The following ZFHX4 variants were observed in gnomAD, a reference collection of about 807,000 sequenced individuals.
ZFHX4 encodes zinc finger homeobox 4.
A neutral mutation model predicts 267.6 loss-of-function variants in ZFHX4; 56 were observed. The observed-to-expected ratio is 0.21, with a 90% CI of 0.17 to 0.26. The LOEUF (loss-of-function observed/expected upper bound fraction) is 0.26. Ranked by LOEUF, ZFHX4 falls within the 10% of genes least tolerant of loss-of-function variation. The pLI, the probability that ZFHX4 is intolerant of heterozygous loss-of-function variation, is 1.00. For synonymous variants in ZFHX4, 1,778 were observed against 1,665.6 expected (o/e 1.07, Z -1.64); for missense variants, 4,332 against 4,420.0 (o/e 0.98, Z 0.56).
At chr8:76,820,755 A>G (rs762783771) in intron 4 of ZFHX4, among the ~76,000 whole-genome samples, 1 of 152,190 alleles carries the variant, frequency 6.6e-6, no homozygotes. Context: ...CTTTGTTGAT[A>G]AGTTTTATTG....
chr8:76,844,890 A>G (rs1812327613), intron 6 of ZFHX4, among the ~76,000 whole-genome samples: 1 of 152,138 alleles, frequency 6.6e-6, no homozygotes, highest in Non-Finnish European at 1.5e-5. Flanking sequence ...TTCTGAATTG[A>G]ATGTTTTTAG....
chr8:76,742,191 G>C (rs1809336101), intron 3 of ZFHX4, among the ~76,000 whole-genome samples: 1 of 152,176 alleles, frequency 6.6e-6, no homozygotes, highest in Non-Finnish European at 1.5e-5. Flanking sequence ...AGATATGCTT[G>C]TTGGGTGAAA....
rs1411713567 is a variant in ZFHX4 at position 76,863,209 on chromosome 8, A to T, written c.9495A>T (p.Pro3165=). Residue 3165 remains proline, a synonymous_variant, in exon 11 of 11, where the codon CCA becomes CCT. Transcript: ENST00000651372. The part of the protein sequence containing the change: ...TKPLLQTPPP[P]PPPPPPPPSS... ...CTTTGCTGCAGACTCCACCACCTCC[A>T]CCACCTCCTCCTCCTCCTCCTCCTT... The T allele has an allele frequency of 1.9e-6, 3 of 1,573,086 alleles. No individual in the cohort carries two copies. In the Admixed American group the frequency reaches 5.7e-5, roughly 30 times the overall value.
At chr8:76,773,935 G>A (rs1227838201) in intron 3 of ZFHX4, among the ~76,000 whole-genome samples, 2 of 152,106 alleles carry the variant, frequency 1.3e-5, no homozygotes, top group Non-Finnish European at 2.9e-5. Context: ...CCTGTGAGAA[G>A]ACACGACAGA....
chr8:76,821,284 C>G (rs912797873), intron 4 of ZFHX4, among the ~76,000 whole-genome samples: 1 of 152,144 alleles, frequency 6.6e-6, no homozygotes, highest in African/African-American at 2.4e-5. Context: ...CCCTATTTCT[C>G]TGGTCATTTT....
chr8:76,713,556 G>T (rs772018032), intron 3 of ZFHX4, among the ~76,000 whole-genome samples: 4 of 152,030 alleles, frequency 2.6e-5, no homozygotes, highest in Non-Finnish European at 4.4e-5. Context: ...ATACTCTTAT[G>T]CTCTTTTCTG....
intron 4 of ZFHX4, among the ~76,000 whole-genome samples, chr8:76,831,751 CT>C (rs1001808496): frequency 2.0e-5 from 3 of 152,208 alleles, no homozygotes; most frequent in Middle Eastern, 3.4e-3. Flanking sequence ...GTTTCACGTG[CT>C]TTTGGTTCTG....
chr8:76,845,450 C>T (rs1313155301), intron 6 of ZFHX4, among the ~76,000 whole-genome samples: 2 of 151,856 alleles, frequency 1.3e-5, no homozygotes, highest in Non-Finnish European at 2.9e-5. Context: ...GGAAATTAAC[C>T]TTCATTATTG....
intron 3 of ZFHX4, among the ~76,000 whole-genome samples, chr8:76,765,626 CTATAT>C (rs1162049643): frequency 6.6e-6 from 1 of 151,948 alleles, no homozygotes; most frequent in African/African-American, 2.4e-5. Flanking sequence ...GTCACTGTTC[CTATAT>C]TATGACTCCA....
intron 3 of ZFHX4, among the ~76,000 whole-genome samples, chr8:76,737,155 C>G (rs1809185138): frequency 6.6e-6 from 1 of 152,126 alleles, no homozygotes; most frequent in African/African-American, 2.4e-5. Context: ...GTTTTACGCT[C>G]TAGGTAATAA....
At position 76,841,224 on chromosome 8, in the gene ZFHX4, T is replaced by C. The variant is rs191925967; in HGVS notation, c.3395-1431T>C. The stretch of plus-strand genomic sequence containing the variant: ...CCCTTTAGCTTTTTAGAGTTTCCTA[T>C]TGAGCCCAGAACTGTCCCCTTCTGT... On this transcript the variant is annotated intron_variant, in intron 5 of 10. Transcript: ENST00000651372. 1.2e-4 allele frequency among the ~76,000 whole-genome samples: 19 copies of C among 152,332 alleles called. No individual in the cohort carries two copies. The East Asian group carries it at 2.1e-3, about 17-fold the overall frequency.
intron 3 of ZFHX4, among the ~76,000 whole-genome samples, chr8:76,767,037 A>G (rs1343405640): frequency 1.4e-5 from 2 of 140,392 alleles, no homozygotes; most frequent in East Asian, 2.2e-4. Context: ...TGTCTGTCTC[A>G]TAAAGGGGTG....
At chr8:76,819,074 T>C (rs2131859954) in intron 4 of ZFHX4, among the ~76,000 whole-genome samples, 1 of 152,078 alleles carries the variant, frequency 6.6e-6, no homozygotes, top group East Asian at 1.9e-4. Context: ...GGCAGTACAT[T>C]TTCCCCTTTC....
intron 4 of ZFHX4, among the ~76,000 whole-genome samples, chr8:76,814,475 G>T (rs1266567870): frequency 6.6e-6 from 1 of 152,084 alleles, no homozygotes; most frequent in Non-Finnish European, 1.5e-5. Flanking sequence ...ATGGCTTCTT[G>T]TAATTGTCTA....
At chr8:76,707,007 GT>G (rs1159322722) in intron 2 of ZFHX4, among the ~76,000 whole-genome samples, 10 of 152,142 alleles carry the variant, frequency 6.6e-5, no homozygotes, top group Non-Finnish European at 1.5e-4. Context: ...TTCAATTTTG[GT>G]GATTATTCGC....
At chr8:76,743,997 A>C (rs1046186467) in intron 3 of ZFHX4, among the ~76,000 whole-genome samples, 1 of 152,204 alleles carries the variant, frequency 6.6e-6, no homozygotes, top group East Asian at 1.9e-4. Flanking sequence ...AGGAGCATAA[A>C]TGTGAGTACC....
chr8:76,853,083 TCCC>T lies in ZFHX4; in HGVS notation c.6168_6170del (p.Pro2061del). 9.7e-6 allele frequency: 3 copies of T among 309,566 alleles called. No homozygotes were observed. The highest frequency in any genetic ancestry group is 1.1e-5 in the Non-Finnish European group (2 of 178,942). The allele number at this position is 309,566 out of a possible 1,614,324, so 19.2% of individuals were successfully genotyped here. ...CACCACCTCCTCCTCCTCCTCCTCC[TCCC>T]CCCCCACCTCCTCCACCTTCTGCTC... On this transcript the variant is annotated inframe_deletion, in exon 10 of 11. Coordinates refer to ENST00000651372, the MANE Select transcript of ZFHX4 (RefSeq NM_024721.5).
At chr8:76,800,980 G>A (rs1811103506) in intron 4 of ZFHX4, among the ~76,000 whole-genome samples, 1 of 152,070 alleles carries the variant, frequency 6.6e-6, no homozygotes, top group Non-Finnish European at 1.5e-5. Context: ...AGAATCGATG[G>A]CCAACCAGCA....
At chr8:76,850,088 T>A (rs1049755905) in intron 8 of ZFHX4, 157 bp from the exon 9 acceptor site, 1 of 613,494 alleles carries the variant, frequency 1.6e-6, no homozygotes, top group Non-Finnish European at 2.9e-6. Context: ...TGATCTAAAG[T>A]GGCAAGGTGT....
Sources: allele counts gnomAD v4.1 joint callset (sites outside exome capture counted in the v4.1 genomes callset), GRCh38; gene constraint gnomAD v4.1.1; transcripts MANE v1.5; gene names NCBI Gene and HGNC (gene_info 2026-07-23, HGNC 2026-07-21).